The following MCC variants were observed in gnomAD, a reference collection of about 807,000 sequenced individuals.
The protein encoded by MCC is colorectal mutant cancer protein.
MCC carries 90 observed loss-of-function variants against 116.2 expected under a neutral mutation model. The observed-to-expected ratio is 0.77, with a 90% CI of 0.65 to 0.92. The LOEUF (loss-of-function observed/expected upper bound fraction) is 0.92. Among genes scored for constraint, MCC ranks in the 40% least tolerant of loss-of-function variants. The pLI, the probability that MCC is intolerant of heterozygous loss-of-function variation, is 0.00. For synonymous variants in MCC, 578 were observed against 510.5 expected (o/e 1.13, Z -1.78); for missense variants, 1,516 against 1,312.2 (o/e 1.16, Z -2.40).
At chr5:113,428,045 T>C (rs1770529419) in intron 1 of MCC, among the ~76,000 whole-genome samples, 1 of 152,122 alleles carries the variant, frequency 6.6e-6, no homozygotes, top group Admixed American at 6.6e-5. Context: ...TTCAATTAAG[T>C]GTACAATGGG....
intron 1 of MCC, among the ~76,000 whole-genome samples, chr5:113,455,249 C>T (rs745947486): frequency 3.3e-5 from 5 of 152,216 alleles, no homozygotes; most frequent in Admixed American, 1.3e-4. Flanking sequence ...GGCTCCAGGT[C>T]CCTTCTTGGC....
At chr5:113,378,679 GCA>G (rs1769040967) in intron 2 of MCC, among the ~76,000 whole-genome samples, 1 of 152,166 alleles carries the variant, frequency 6.6e-6, no homozygotes, top group Non-Finnish European at 1.5e-5. Flanking sequence ...CTCTCCTCAG[GCA>G]ATCCCTGCCC....
intron 17 of MCC, among the ~76,000 whole-genome samples, chr5:113,029,398 C>T (rs1043355495): frequency 8.6e-5 from 13 of 150,732 alleles, no homozygotes; most frequent in African/African-American, 3.2e-4. Context: ...GGCCTGACCA[C>T]AAACCCCCGT....
intron 11 of MCC, among the ~76,000 whole-genome samples, chr5:113,079,102 G>A (rs1754664320): frequency 1.3e-5 from 2 of 152,128 alleles, no homozygotes; most frequent in African/African-American, 4.8e-5. Context: ...CAACTTACAA[G>A]GGATGTGAAG....
At chr5:113,032,408 CAAAAAAA>C (rs376957827) in intron 17 of MCC, among the ~76,000 whole-genome samples, 2 of 63,350 alleles carry the variant, frequency 3.2e-5, no homozygotes, top group African/African-American at 4.8e-5. Flanking sequence ...AACTCTGTAT[CAAAAAAA>C]AAAAAAAAAA....
chr5:113,071,105 G>A lies in MCC; in HGVS notation c.1914C>T (p.Ala638=). ...YESNATALRL[A]LQYSEQCIEA... ...CAGTGTGTGCCTACCTGTACTGCAAGGCCAGCCTCAGCGCTGTGGCATTGG... is the reference window on the plus strand; with the variant it reads ...CAGTGTGTGCCTACCTGTACTGCAAAGCCAGCCTCAGCGCTGTGGCATTGG... Residue 638 remains alanine, a synonymous_variant, in exon 12 of 19, where the codon GCC becomes GCT. Transcript: ENST00000408903. The A allele has an allele frequency of 3.8e-6, 6 of 1,586,746 alleles. No homozygotes were observed. Among genetic ancestry groups the A allele is most frequent in the Non-Finnish European group, 5.1e-6 (6 of 1,168,702 alleles).
At chr5:113,377,362 A>G (rs1769013971) in intron 2 of MCC, among the ~76,000 whole-genome samples, 1 of 152,170 alleles carries the variant, frequency 6.6e-6, no homozygotes, top group African/African-American at 2.4e-5. Context: ...GCAGTGGGAA[A>G]CATGATGTGA....
chr5:113,338,593 T>C (rs1767926391), intron 3 of MCC, among the ~76,000 whole-genome samples: 1 of 152,240 alleles, frequency 6.6e-6, no homozygotes, highest in East Asian at 1.9e-4. Context: ...CCATCAAATT[T>C]TGATCTCTGT....
chr5:113,050,369 G>T (rs1373614225), intron 15 of MCC, among the ~76,000 whole-genome samples: 1 of 152,138 alleles, frequency 6.6e-6, no homozygotes, highest in African/African-American at 2.4e-5. Flanking sequence ...CTCACCTGAG[G>T]TTAGTTCAGA....
chr5:113,313,440 C>T (rs1405672473), intron 3 of MCC, among the ~76,000 whole-genome samples: 1 of 152,112 alleles, frequency 6.6e-6, no homozygotes, highest in African/African-American at 2.4e-5. Flanking sequence ...GCAAAGTGAG[C>T]TTGAGGAAAT....
At chr5:113,176,193 T>G (rs188982295) in intron 3 of MCC, among the ~76,000 whole-genome samples, 8 of 152,224 alleles carry the variant, frequency 5.3e-5, no homozygotes, top group African/African-American at 1.4e-4. Context: ...AAATGCCCAT[T>G]TCTTGTACTG....
chr5:113,078,549 G>A (rs935356886), intron 11 of MCC, among the ~76,000 whole-genome samples: 1 of 152,150 alleles, frequency 6.6e-6, no homozygotes, highest in Non-Finnish European at 1.5e-5. Flanking sequence ...TAGAACCAAA[G>A]ACAAAAACCA....
chr5:113,393,897 A>G (rs558847282), intron 1 of MCC, among the ~76,000 whole-genome samples: 1 of 152,258 alleles, frequency 6.6e-6, no homozygotes, highest in African/African-American at 2.4e-5. Flanking sequence ...AATACATGCT[A>G]TCTTAGAGTC....
chr5:113,096,786 G>A (rs775447968), intron 8 of MCC, among the ~76,000 whole-genome samples: 2 of 152,156 alleles, frequency 1.3e-5, no homozygotes, highest in African/African-American at 2.4e-5. Flanking sequence ...AAGAAACAAC[G>A]TGCCATGCCA....
At chr5:113,122,300 C>T (rs1757780877) in intron 6 of MCC, among the ~76,000 whole-genome samples, 1 of 152,212 alleles carries the variant, frequency 6.6e-6, no homozygotes, top group Non-Finnish European at 1.5e-5. Flanking sequence ...CCTTCTTGCC[C>T]AATCCAAGTA....
rs550938151 is a variant in MCC at position 113,465,193 on chromosome 5, TAGATCA to T, written c.170+23046_170+23051del. Reference sequence around the variant, plus strand: ...GCAACAGTATTGAGCTAAGAACAGGTAGATCAAGAAAAAAAAAAAAGATCCATAATG... The same window carrying T: ...GCAACAGTATTGAGCTAAGAACAGGTAGAAAAAAAAAAAAGATCCATAATG... On this transcript the variant is annotated intron_variant, in intron 1 of 18. Coordinates refer to ENST00000408903, the MANE Select transcript of MCC (RefSeq NM_001085377.2). 1.4e-3 allele frequency among the ~76,000 whole-genome samples: 195 copies of T among 137,088 alleles called. 1 individual carries two copies. Among genetic ancestry groups the T allele is most frequent in the African/African-American group, 5.4e-3 (190 of 35,342 alleles). 89.9% of individuals were successfully genotyped at this position (137,088 alleles called of 152,430 possible). A position where few individuals can be genotyped will look rare whatever the true frequency, so the allele number is the denominator to read the frequency against.
intron 14 of MCC, among the ~76,000 whole-genome samples, chr5:113,056,744 G>A (rs1752863439): frequency 6.6e-6 from 1 of 151,938 alleles, no homozygotes; most frequent in African/African-American, 2.4e-5. Context: ...AAAAAAAATA[G>A]AAATGTTTAC....
intron 3 of MCC, among the ~76,000 whole-genome samples, chr5:113,316,083 C>T (rs1289081885): frequency 1.3e-5 from 2 of 151,948 alleles, no homozygotes; most frequent in African/African-American, 4.8e-5. Flanking sequence ...AGGTGAAACC[C>T]GGTGTCTACT....
At chr5:113,178,322 T>C (rs897960781) in intron 3 of MCC, among the ~76,000 whole-genome samples, 7 of 152,134 alleles carry the variant, frequency 4.6e-5, no homozygotes, top group African/African-American at 1.2e-4. Flanking sequence ...CCTAGCAAGG[T>C]GGCTAGGGGT....
Sources: gnomAD v4.1 joint callset for allele counts (sites outside exome capture counted in the v4.1 genomes callset) on GRCh38, gnomAD v4.1.1 for gene constraint, MANE v1.5 for transcripts, NCBI Gene and HGNC (gene_info 2026-07-23, HGNC 2026-07-21) for gene names.